CHD3: variants seen among roughly 807,000 people sequenced by gnomAD.
CHD3 encodes chromodomain helicase DNA binding protein 3, also known as ATP-dependent chromatin remodeler CHD3.
In CHD3, 52 loss-of-function variants were observed where a neutral mutation model predicts 248.9. The observed-to-expected ratio is 0.21, with a 90% CI of 0.17 to 0.26. The LOEUF is 0.26. Ranked by LOEUF, CHD3 falls within the 10% of genes least tolerant of loss-of-function variation. The pLI is 1.00. For missense variants in CHD3, 1,482 were observed against 2,605.8 expected (o/e 0.57, Z 9.39); for synonymous variants, 985 against 985.2 (o/e 1.00, Z 0.00).
At position 7,910,935 on chromosome 17, in the gene CHD3, C is replaced by A. The variant is rs1350706581; in HGVS notation, c.5843C>A (p.Ala1948Asp). Residue 1948 changes from alanine (A) to aspartate (D), a missense_variant, in exon 39 of 40, where the codon GCC (alanine) becomes GAC (aspartate). By Grantham distance (126) the Ala-to-Asp change is moderately radical. Coordinates refer to ENST00000330494, the MANE Select transcript of CHD3 (RefSeq NM_001005273.3). This position sits in a 1 kb window ranked among gnomAD's most constrained non-coding sequence, Gnocchi z 4.7. ...GTAGGGGCCCTGGCCGCCGCAGGCG[C>A]CAATTACAGCCAGATGCCTGCAGGG... is the stretch of plus-strand genomic sequence containing the variant. ...APVGALAAAG[A>D]NYSQMPAGSF... The A allele has an allele frequency of 6.2e-7, 1 of 1,613,584 alleles. No individual in the cohort carries two copies.
At position 7,900,232 on chromosome 17, in the gene CHD3, G is replaced by A; in HGVS notation, c.2683-58G>A. ...GGGCAGGGAAAGGCTGATGCTGTGGGTCGGTCACTTGTCACTAATAAGCCC... is the reference window on the plus strand; with the variant it reads ...GGGCAGGGAAAGGCTGATGCTGTGGATCGGTCACTTGTCACTAATAAGCCC... On this transcript the variant is annotated intron_variant, in intron 16 of 39. Coordinates refer to ENST00000330494, the MANE Select transcript of CHD3 (RefSeq NM_001005273.3). This position sits in a 1 kb window ranked among gnomAD's most constrained non-coding sequence, Gnocchi z 6.5. 1 of 1,608,716 alleles carries A rather than the reference G, an allele frequency of 6.2e-7. No individual in the cohort carries two copies.
rs772599946 is a variant in CHD3, at chr17:7,899,569, T to C, written c.2544+26T>C. On this transcript the variant is annotated intron_variant, in intron 15 of 39. Transcript: ENST00000330494. The surrounding 1 kb of genome is among the most constrained non-coding windows in gnomAD (Gnocchi z 6.8). ...GTAAGACCCTCTACCTCATATCCTC[T>C]GAGACCCTCAAAGCTGTCACTTCTT... 1.9e-6 allele frequency: 3 copies of C among 1,599,454 alleles called. No individual in the cohort carries two copies. The South Asian group carries it at 3.3e-5, about 18-fold the overall frequency.
intron 19 of CHD3, 91 bp downstream of exon 19, chr17:7,901,084 G>T: frequency 2.0e-6 from 3 of 1,536,532 alleles, no homozygotes; most frequent in Non-Finnish European, 2.6e-6. Context: ...AGCCACAGGG[G>T]TGGAGCTGGG....
In CHD3 at chr17:7,897,169, C is replaced by T. The variant is rs150267300; in HGVS notation, c.1794C>T (p.Gly598=). 170 of 1,614,066 alleles carry T rather than the reference C, an allele frequency of 1.1e-4. No homozygotes were observed. In the African/African-American group the frequency reaches 1.7e-3, roughly 17 times the overall value. ...DEPPPLDYGS[G]EDDGKSDKRK... is the part of the protein sequence containing the mutation. ...CCCCACCCCTGGACTATGGCTCCGGCGAGGATGATGGGAAGAGCGACAAGC... is the reference window on the plus strand; with the variant it reads ...CCCCACCCCTGGACTATGGCTCCGGTGAGGATGATGGGAAGAGCGACAAGC... The change falls in exon 11 of 40, where the codon GGC becomes GGT. Residue 598 remains glycine (G), a synonymous_variant. Transcript: ENST00000330494. The surrounding 1 kb of genome is among the most constrained non-coding windows in gnomAD (Gnocchi z 4.8).
At position 7,908,690 on chromosome 17, in the gene CHD3, T is replaced by C. The variant is rs759359903; in HGVS notation, c.5262-7T>C. 19 of 1,614,002 alleles carry C rather than the reference T, an allele frequency of 1.2e-5. No individual in the cohort carries two copies. Among genetic ancestry groups the C allele is most frequent in the Middle Eastern group, 1.7e-4 (1 of 6,058 alleles). On this transcript the variant is annotated splice_polypyrimidine_tract_variant and splice_region_variant and intron_variant, in intron 35 of 39. Transcript: ENST00000330494. The surrounding 1 kb of genome is among the most constrained non-coding windows in gnomAD (Gnocchi z 5.8). ...TTCCTTGATGGTTCCTTTTCCTTCA[T>C]TGGTAGCCATGGCTATGCACGGTGG... is the stretch of plus-strand genomic sequence containing the variant.
Position 7,905,409 on chromosome 17 carries a change from T to C in CHD3, c.4139-212T>C. The stretch of plus-strand genomic sequence containing the variant: ...CCATTCCCACTGGTAATCTGGGCCT[T>C]TGTCAGATATCAGCTGTTAATTTTA... On this transcript the variant is annotated intron_variant, in intron 26 of 39. Transcript: ENST00000330494. This position sits in a 1 kb window ranked among gnomAD's most constrained non-coding sequence, Gnocchi z 5.8. 1.6e-6 allele frequency: 1 copy of C among 615,906 alleles called. No homozygotes were observed. The highest frequency in any genetic ancestry group is 2.9e-6 in the Non-Finnish European group (1 of 347,346). The allele number at this position is 615,906 out of a possible 1,614,324, so 38.2% of individuals were successfully genotyped here.
rs755774422 is a variant in CHD3, at chr17:7,894,958, A to G, written c.1311A>G (p.Glu437=). Residue 437 remains glutamate (E), a synonymous_variant, in exon 9 of 40, where the codon GAA becomes GAG. Coordinates refer to ENST00000330494, the MANE Select transcript of CHD3 (RefSeq NM_001005273.3). ...AGTGGGAGGCCAAGGAGGAAGAAGA[A>G]GAATACGAAGAGGAGGGAGAGGAAG... is the stretch of plus-strand genomic sequence containing the variant. The part of the protein sequence containing the change: ...GVQWEAKEEE[E]EYEEEGEEEG... 6.2e-7 allele frequency: 1 copy of G among 1,613,534 alleles called. No homozygotes were observed.
At chr17:7,888,121 A>G, upstream of CHD3, among the ~76,000 whole-genome samples, 1 of 152,202 alleles carries the variant, frequency 6.6e-6, no homozygotes, top group Middle Eastern at 3.2e-3. Context: ...CTGCTGGGGC[A>G]TGGCGCCTTC....
Position 7,893,582 on chromosome 17 carries a change from C to T in CHD3, c.793+13C>T, listed in dbSNP as rs1407124226. Reference sequence around the variant, plus strand: ...AAAGAGGGCAAAGGTAGGGAACTCTCTTCCAACAACTGTCATCTCACCTTC... The same window carrying T: ...AAAGAGGGCAAAGGTAGGGAACTCTTTTCCAACAACTGTCATCTCACCTTC... On this transcript the variant is annotated intron_variant, in intron 5 of 39. Transcript: ENST00000330494. 6.5e-7 allele frequency: 1 copy of T among 1,550,296 alleles called. No homozygotes were observed. Among genetic ancestry groups the T allele is most frequent in the African/African-American group, 1.4e-5 (1 of 72,760 alleles).
Position 7,902,971 on chromosome 17 carries a change from C to T in CHD3, c.3405C>T (p.Ser1135=), listed in dbSNP as rs1254427599. 1.9e-6 allele frequency: 3 copies of T among 1,614,142 alleles called. No homozygotes were observed. The East Asian group carries it at 6.7e-5, about 36-fold the overall frequency. ...CCCAACAATTCTGCTTCCTCCTGTC[C>T]ACCCGAGCTGGGGGCCTGGGCATCA... ...PGAQQFCFLL[S]TRAGGLGINL... is the part of the protein sequence containing the mutation. Residue 1135 remains serine (S), a synonymous_variant, in exon 22 of 40, where the codon TCC becomes TCT. Transcript: ENST00000330494.
At position 7,899,071 on chromosome 17, in the gene CHD3, A is replaced by G. The variant is rs759045536; in HGVS notation, c.2212A>G (p.Met738Val). ...CACAGCCACTGGAGGCACCCTGCAC[A>G]TGTATCAGTTGGAAGGGCTGAACTG... is the stretch of plus-strand genomic sequence containing the variant. ...FITATGGTLHMYQLEGLNWLR... is the reference protein window; with the variant it reads ...FITATGGTLHVYQLEGLNWLR... Residue 738 changes from methionine to valine, a missense_variant, in exon 14 of 40, where the codon ATG becomes GTG. By Grantham distance (21) the Met-to-Val change is conservative. Coordinates refer to ENST00000330494, the MANE Select transcript of CHD3 (RefSeq NM_001005273.3). This position sits in a 1 kb window ranked among gnomAD's most constrained non-coding sequence, Gnocchi z 6.8. 3.1e-6 allele frequency: 5 copies of G among 1,614,072 alleles called. No individual in the cohort carries two copies. The highest frequency in any genetic ancestry group is 3.3e-5 in the Admixed American group (2 of 59,998).
rs374527023 is a variant in CHD3, at chr17:7,903,249, G to A, written c.3496-23G>A. On this transcript the variant is annotated intron_variant, in intron 22 of 39. Coordinates refer to ENST00000330494, the MANE Select transcript of CHD3 (RefSeq NM_001005273.3). This position sits in a 1 kb window ranked among gnomAD's most constrained non-coding sequence, Gnocchi z 6.8. ...CCCCGGCCACTCCCCTGACCCACCC[G>A]CCACTTTCTCTTGCCCCTGCAGGCC... is the stretch of plus-strand genomic sequence containing the variant. 16 of 1,610,040 alleles carry A rather than the reference G, an allele frequency of 9.9e-6. No homozygotes were observed. Among genetic ancestry groups the A allele is most frequent in the South Asian group, 7.7e-5 (7 of 90,962 alleles).
At position 7,889,134 on chromosome 17, in the gene CHD3, C is replaced by T; in HGVS notation, c.100+34C>T. On this transcript the variant is annotated intron_variant, in intron 1 of 39. Coordinates refer to ENST00000330494, the MANE Select transcript of CHD3 (RefSeq NM_001005273.3). The surrounding 1 kb of genome is among the most constrained non-coding windows in gnomAD (Gnocchi z 4.5). The stretch of plus-strand genomic sequence containing the variant: ...CCGAGGAAATGTAAATAGAGGCCTC[C>T]CTCTTGGCAAAAGGATGTCAGGGCC... The T allele has an allele frequency of 6.2e-7, 1 of 1,613,602 alleles. No homozygotes were observed. Among genetic ancestry groups the T allele is most frequent in the Non-Finnish European group, 8.5e-7 (1 of 1,179,660 alleles).
intron 8 of CHD3, 90 bp from the exon 9 acceptor site, chr17:7,894,827 A>G: frequency 6.4e-7 from 1 of 1,558,122 alleles, no homozygotes; most frequent in East Asian, 2.2e-5. Context: ...CTGCACTTCT[A>G]GGATTCAGGT....
Position 7,894,512 on chromosome 17 carries a change from T to C in CHD3, c.1173T>C (p.Ile391=). 1.2e-6 allele frequency: 2 copies of C among 1,614,030 alleles called. No homozygotes were observed. Among genetic ancestry groups the C allele is most frequent in the Non-Finnish European group, 8.5e-7 (1 of 1,179,984 alleles). The change falls in exon 8 of 40, where the codon ATT becomes ATC. Residue 391 remains isoleucine, a synonymous_variant. Coordinates refer to ENST00000330494, the MANE Select transcript of CHD3 (RefSeq NM_001005273.3). ...YCEVCQQGGE[I]ILCDTCPRAY... is the part of the protein sequence containing the mutation. ...AGGTGTGCCAGCAGGGTGGGGAAAT[T>C]ATTCTGTGTGACACCTGCCCTCGTG...
chr17:7,907,762 TG>T lies in CHD3; in HGVS notation c.5026+64del. 6.6e-7 allele frequency: 1 copy of T among 1,505,726 alleles called. No homozygotes were observed. Among genetic ancestry groups the T allele is most frequent in the South Asian group, 1.3e-5 (1 of 77,808 alleles). The allele number at this position is 1,505,726 out of a possible 1,614,324, so 93.3% of individuals were successfully genotyped here. A position where few individuals can be genotyped will look rare whatever the true frequency, so the allele number is the denominator to read the frequency against. ...AGAGGGCATCAGGGGAGGTGGAGTC[TG>T]GGGAACCGAATGCTTGGGTCCTGGG... On this transcript the variant is annotated intron_variant, in intron 33 of 39. Coordinates refer to ENST00000330494, the MANE Select transcript of CHD3 (RefSeq NM_001005273.3). The surrounding 1 kb of genome is among the most constrained non-coding windows in gnomAD (Gnocchi z 4.3).
intron 4 of CHD3, among the ~76,000 whole-genome samples, chr17:7,892,346 C>T (rs1968992588): frequency 6.6e-6 from 1 of 152,076 alleles, no homozygotes; most frequent in Non-Finnish European, 1.5e-5. Context: ...CATAGCAACT[C>T]AAGAGTATTA....
chr17:7,893,412 A>AGCG lies in CHD3; in HGVS notation c.639_641dup (p.Ala219dup). On this transcript the variant is annotated inframe_insertion, in exon 5 of 40. Transcript: ENST00000330494. ...GGTCAGCAGCTGCTGTGGCGGCGGC[A>AGCG]GCGGCAGCAGCAGCAGCAGCTGTAG... 1 of 1,611,480 alleles carries AGCG rather than the reference A, an allele frequency of 6.2e-7. No homozygotes were observed. Among genetic ancestry groups the AGCG allele is most frequent in the Non-Finnish European group, 8.5e-7 (1 of 1,178,956 alleles).
chr17:7,895,099 C>A lies in CHD3; in HGVS notation c.1452C>A (p.Asn484Lys). Residue 484 changes from asparagine to lysine, a missense_variant, in exon 9 of 40, where the codon AAC becomes AAA. Asn to Lys is a moderately conservative substitution (Grantham distance 94). Coordinates refer to ENST00000330494, the MANE Select transcript of CHD3 (RefSeq NM_001005273.3). This position sits in a 1 kb window ranked among gnomAD's most constrained non-coding sequence, Gnocchi z 4.9. ...CISSYHIHCL[N>K]PPLPDIPNGE... is the part of the protein sequence containing the mutation. The stretch of plus-strand genomic sequence containing the variant: ...CCTCCTACCACATTCATTGTCTAAA[C>A]CCTCCCCTGCCTGACATTCCCAATG... 6.2e-7 allele frequency: 1 copy of A among 1,614,114 alleles called. No individual in the cohort carries two copies. The highest frequency in any genetic ancestry group is 8.5e-7 in the Non-Finnish European group (1 of 1,180,006).
Sources: allele counts gnomAD v4.1 joint callset (sites outside exome capture counted in the v4.1 genomes callset), GRCh38; gene constraint gnomAD v4.1.1; non-coding constraint Gnocchi (gnomAD v3.1); transcripts MANE v1.5; gene names NCBI Gene and HGNC (gene_info 2026-07-23, HGNC 2026-07-21).